RIC8B: variants seen among roughly 807,000 people sequenced by gnomAD.
RIC8B encodes the protein chaperone Ric-8B.
A neutral mutation model predicts 57.5 loss-of-function variants in RIC8B; 16 were observed. That is an observed-to-expected ratio of 0.28 (90% CI 0.19 to 0.42). The LOEUF (loss-of-function observed/expected upper bound fraction) is 0.42, where lower values mean the gene tolerates loss of function less well. RIC8B is among the 10% of genes least tolerant of loss of function. RIC8B has a pLI of 1.00. For synonymous variants in RIC8B, 216 were observed against 250.8 expected, an observed-to-expected ratio of 0.86 and a Z score of 1.31; for missense variants, 481 against 677.0, an observed-to-expected ratio of 0.71 and a Z score of 3.21.
At chr12:106,797,913 A>G in intron 2 of RIC8B, 1 of 573,866 alleles carries the variant, frequency 1.7e-6, no homozygotes, top group Non-Finnish European at 3.2e-6. Flanking sequence ...ACTGCCGCTC[A>G]TTAATAATTG....
At chr12:106,810,500 T>C (rs2136270585) in intron 2 of RIC8B, among the ~76,000 whole-genome samples, 1 of 152,210 alleles carries the variant, frequency 6.6e-6, no homozygotes, top group Middle Eastern at 3.4e-3. Flanking sequence ...TGCTACAGAT[T>C]TGTGGTTTAG....
At chr12:106,784,446 C>T (rs542853629) in intron 2 of RIC8B, among the ~76,000 whole-genome samples, 2 of 152,334 alleles carry the variant, frequency 1.3e-5, no homozygotes, top group South Asian at 2.1e-4. Flanking sequence ...CTCACTGTAA[C>T]CCCAGACTCC....
Position 106,887,026 on chromosome 12 carries a change from C to T in RIC8B, c.*1011C>T. The T allele has an allele frequency of 6.6e-6, 1 of 152,478 alleles. No homozygotes were observed. Among genetic ancestry groups the T allele is most frequent in the Non-Finnish European group, 1.5e-5 (1 of 67,962 alleles). The allele number at this position is 152,478 out of a possible 1,614,324, so 9.4% of individuals were successfully genotyped here. A position where few individuals can be genotyped will look rare whatever the true frequency, so the allele number is the denominator to read the frequency against. ...TTTATTTATTTAAAAAAAAGAAACACAATTAGTTACTGTTAAACTGATAAA... is the reference window on the plus strand; with the variant it reads ...TTTATTTATTTAAAAAAAAGAAACATAATTAGTTACTGTTAAACTGATAAA... On this transcript the variant is annotated 3_prime_UTR_variant, in exon 10 of 10. Transcript: ENST00000392837.
At chr12:106,798,129 C>A in intron 2 of RIC8B, 1 of 646,338 alleles carries the variant, frequency 1.5e-6, no homozygotes, top group Admixed American at 2.5e-5. Context: ...GGCCTTATAA[C>A]ACTTAGGCAT....
intron 2 of RIC8B, among the ~76,000 whole-genome samples, chr12:106,810,770 A>G (rs1304452390): frequency 6.6e-6 from 1 of 152,246 alleles, no homozygotes; most frequent in African/African-American, 2.4e-5. Context: ...TTAAGTGCCA[A>G]ACTGAGGACT....
intron 7 of RIC8B, among the ~76,000 whole-genome samples, chr12:106,854,046 A>C (rs1949609016): frequency 6.6e-6 from 1 of 152,154 alleles, no homozygotes; most frequent in Admixed American, 6.5e-5. Flanking sequence ...TTGGGGAGAC[A>C]ATTGGCTGGT....
At chr12:106,881,982 C>G (rs1950958453) in intron 9 of RIC8B, among the ~76,000 whole-genome samples, 1 of 152,156 alleles carries the variant, frequency 6.6e-6, no homozygotes, top group Non-Finnish European at 1.5e-5. Flanking sequence ...GAAAGCAGGG[C>G]TCTCTGCCTG....
intron 6 of RIC8B, among the ~76,000 whole-genome samples, chr12:106,846,986 C>T (rs1210034867): frequency 6.6e-6 from 1 of 152,166 alleles, no homozygotes; most frequent in Non-Finnish European, 1.5e-5. Context: ...ATGATTAACT[C>T]TGATAATAAT....
At chr12:106,812,083 A>T (rs2045359495) in intron 2 of RIC8B, among the ~76,000 whole-genome samples, 1 of 152,214 alleles carries the variant, frequency 6.6e-6, no homozygotes, top group African/African-American at 2.4e-5. Context: ...TTGTAATTTA[A>T]AAAGAGTCGT....
At chr12:106,841,383 G>C (rs867709275) in intron 4 of RIC8B, among the ~76,000 whole-genome samples, 1 of 152,112 alleles carries the variant, frequency 6.6e-6, no homozygotes, top group African/African-American at 2.4e-5. Context: ...TAAAAAGAAA[G>C]GAAATATTCA....
At chr12:106,788,596 G>T (rs896174045) in intron 2 of RIC8B, among the ~76,000 whole-genome samples, 2 of 152,154 alleles carry the variant, frequency 1.3e-5, no homozygotes, top group African/African-American at 4.8e-5. Context: ...TGACTTCTGT[G>T]CACCCACAGG....
At chr12:106,809,373 A>C (rs2045220658) in intron 2 of RIC8B, among the ~76,000 whole-genome samples, 1 of 152,016 alleles carries the variant, frequency 6.6e-6, no homozygotes, top group Non-Finnish European at 1.5e-5. Flanking sequence ...AAAATACAAA[A>C]ATTAGCAGGC....
Position 106,851,447 on chromosome 12 carries a change from C to T in RIC8B, c.1162-3C>T. The T allele has an allele frequency of 6.2e-7, 1 of 1,607,266 alleles. No homozygotes were observed. On this transcript the variant is annotated splice_region_variant and splice_polypyrimidine_tract_variant and intron_variant, in intron 6 of 9. Coordinates refer to ENST00000392837, the MANE Select transcript of RIC8B (RefSeq NM_001330145.2). ...ATGATGGTTTTTGCATTTGTGCCAT[C>T]AGGTTTTACCACCGTTGAGGGATGT... is the stretch of plus-strand genomic sequence containing the variant.
intron 2 of RIC8B, among the ~76,000 whole-genome samples, chr12:106,787,545 G>A (rs2044088432): frequency 6.6e-6 from 1 of 152,118 alleles, no homozygotes; most frequent in Non-Finnish European, 1.5e-5. Flanking sequence ...CTGAGACTGG[G>A]AAGAAAAAGA....
intron 2 of RIC8B, among the ~76,000 whole-genome samples, chr12:106,803,966 A>G (rs1028574035): frequency 2.0e-5 from 3 of 152,206 alleles, no homozygotes; most frequent in Admixed American, 6.5e-5. Flanking sequence ...TAATGAAACT[A>G]AAGCTCAGAG....
At chr12:106,843,588 G>C (rs1007971250) in intron 5 of RIC8B, among the ~76,000 whole-genome samples, 1 of 151,766 alleles carries the variant, frequency 6.6e-6, no homozygotes, top group Non-Finnish European at 1.5e-5. Flanking sequence ...CAGGTGTGGT[G>C]GTGGGCACCT....
chr12:106,830,558 G>A (rs2046310958), intron 4 of RIC8B, among the ~76,000 whole-genome samples: 2 of 152,190 alleles, frequency 1.3e-5, no homozygotes, highest in Non-Finnish European at 2.9e-5. Context: ...AGATTGAGAA[G>A]GGGTTTGGAT....
intron 4 of RIC8B, among the ~76,000 whole-genome samples, chr12:106,841,999 A>G (rs973156499): frequency 1.3e-5 from 2 of 152,214 alleles, no homozygotes; most frequent in Admixed American, 6.5e-5. Context: ...AACTTCATTT[A>G]GAGACCTGAT....
At chr12:106,839,329 G>C (rs1306733380) in intron 4 of RIC8B, among the ~76,000 whole-genome samples, 3 of 152,132 alleles carry the variant, frequency 2.0e-5, no homozygotes, top group Non-Finnish European at 4.4e-5. Context: ...TACACACACA[G>C]AGCAGAATCA....
Sources: gnomAD v4.1 joint callset for allele counts (sites outside exome capture counted in the v4.1 genomes callset) on GRCh38, gnomAD v4.1.1 for gene constraint, MANE v1.5 for transcripts, NCBI Gene and HGNC (gene_info 2026-07-23, HGNC 2026-07-21) for gene names.